TMEM132D: variants seen among roughly 807,000 people sequenced by gnomAD.
The protein encoded by TMEM132D is transmembrane protein 132D.
In TMEM132D, 21 loss-of-function variants were observed where a neutral mutation model predicts 62.3. The observed-to-expected ratio is 0.34, with a 90% confidence interval of 0.24 to 0.49. The LOEUF is 0.49. Ranked by LOEUF, TMEM132D falls within the 20% of genes least tolerant of loss-of-function variation. The probability of loss-of-function intolerance (pLI) is 0.99; values close to 1 mark genes in which losing one functional copy is unlikely to be tolerated. For missense variants in TMEM132D, 1,346 were observed against 1,402.8 expected, an observed-to-expected ratio of 0.96 and a Z score of 0.65; for synonymous variants, 621 against 575.6, an observed-to-expected ratio of 1.08 and a Z score of -1.13.
intron 2 of TMEM132D, among the ~76,000 whole-genome samples, chr12:129,667,624 T>C (rs1880407382): frequency 6.6e-6 from 1 of 152,174 alleles, no homozygotes; most frequent in South Asian, 2.1e-4. Flanking sequence ...TTATAAATTA[T>C]GTCTCTTTCT....
At position 129,524,807 on chromosome 12, in the gene TMEM132D, A is replaced by G. The variant is rs942555744; in HGVS notation, c.1115+6252T>C. On this transcript the variant is annotated intron_variant, in intron 3 of 8. Coordinates refer to ENST00000422113, the MANE Select transcript of TMEM132D (RefSeq NM_133448.3). ...GAGGCGGAGGTTGCAGTGAGCGGAG[A>G]CTGCGCCACTGTACTCCAGCCTAGC... is the stretch of plus-strand genomic sequence containing the variant. 2.0e-5 allele frequency among the ~76,000 whole-genome samples: 3 copies of G among 151,746 alleles called. No homozygotes were observed. In the South Asian group the frequency reaches 6.3e-4, roughly 32 times the overall value.
chr12:129,490,596 A>ATTTTTTTTTTTTTTTTTTTTTTTTTTT lies in TMEM132D; in HGVS notation c.1115+40436_1115+40462dup, dbSNP rs35535325. Among the ~76,000 whole-genome samples, 3 of 71,112 alleles carry ATTTTTTTTTTTTTTTTTTTTTTTTTTT rather than the reference A, an allele frequency of 4.2e-5. 1 individual carries two copies. Among genetic ancestry groups the ATTTTTTTTTTTTTTTTTTTTTTTTTTT allele is most frequent in the African/African-American group, 2.4e-4 (3 of 12,332 alleles). 46.7% of individuals were successfully genotyped at this position (71,112 alleles called of 152,430 possible). ...GGCGCCCGCCCACCACGCCCGGCTA[A>ATTTTTTTTTTTTTTTTTTTTTTTTTTT]TTTTTTTTTTTTTTTTTTTTTTTTT... On this transcript the variant is annotated intron_variant, in intron 3 of 8. Coordinates refer to ENST00000422113, the MANE Select transcript of TMEM132D (RefSeq NM_133448.3).
At chr12:129,378,077 C>T (rs573132758) in intron 3 of TMEM132D, among the ~76,000 whole-genome samples, 3 of 152,202 alleles carry the variant, frequency 2.0e-5, no homozygotes, top group Non-Finnish European at 4.4e-5. Flanking sequence ...ATACCCCTTT[C>T]AAAGACATTT....
chr12:129,614,500 A>G (rs1878863552), intron 2 of TMEM132D, among the ~76,000 whole-genome samples: 1 of 152,246 alleles, frequency 6.6e-6, no homozygotes, highest in African/African-American at 2.4e-5. Context: ...TCACTCTGCT[A>G]TAATCCCTCT....
intron 2 of TMEM132D, among the ~76,000 whole-genome samples, chr12:129,579,356 G>A (rs1020445750): frequency 3.9e-5 from 6 of 152,116 alleles, no homozygotes; most frequent in South Asian, 2.1e-4. Context: ...TCAGATATAC[G>A]TATATATGGA....
intron 3 of TMEM132D, among the ~76,000 whole-genome samples, chr12:129,511,060 A>G (rs1362634561): frequency 6.6e-6 from 1 of 152,138 alleles, no homozygotes; most frequent in Non-Finnish European, 1.5e-5. Context: ...TAAATAGCGC[A>G]CCCATTTTAA....
At chr12:129,390,025 GT>G (rs1446833149) in intron 3 of TMEM132D, among the ~76,000 whole-genome samples, 6 of 152,188 alleles carry the variant, frequency 3.9e-5, no homozygotes, top group Non-Finnish European at 7.3e-5. Context: ...GCACACTGGC[GT>G]TTTGTTGTCA....
chr12:129,901,412 T>A (rs1355196635), intron 1 of TMEM132D, among the ~76,000 whole-genome samples: 1 of 152,194 alleles, frequency 6.6e-6, no homozygotes, highest in Non-Finnish European at 1.5e-5. Flanking sequence ...TGACATATTG[T>A]GACTAATCCT....
intron 3 of TMEM132D, among the ~76,000 whole-genome samples, chr12:129,347,792 C>T (rs148902808): frequency 1.6e-4 from 24 of 152,098 alleles, no homozygotes; most frequent in African/African-American, 5.5e-4. Flanking sequence ...AATGGGAGAA[C>T]ATTTTTGCAA....
intron 5 of TMEM132D, among the ~76,000 whole-genome samples, chr12:129,106,894 C>G (rs1285181614): frequency 6.6e-6 from 1 of 152,178 alleles, no homozygotes; most frequent in Non-Finnish European, 1.5e-5. Flanking sequence ...TGGGGAATGC[C>G]TGCCTTGGAC....
intron 4 of TMEM132D, among the ~76,000 whole-genome samples, chr12:129,279,043 C>T (rs977187529): frequency 3.3e-5 from 5 of 152,224 alleles, no homozygotes; most frequent in African/African-American, 1.2e-4. Flanking sequence ...TATAAGAGAA[C>T]TCAGAAATGC....
chr12:129,320,976 ACC>A lies in TMEM132D; in HGVS notation c.1299+16656_1299+16657del, dbSNP rs1566032518. On this transcript the variant is annotated intron_variant, in intron 4 of 8. Transcript: ENST00000422113. Reference sequence around the variant, plus strand: ...ATTATTTATACAAATCTATCTATCTACCTACCTACCTACCTACCTACCTGTCA... The same window carrying A: ...ATTATTTATACAAATCTATCTATCTATACCTACCTACCTACCTACCTGTCA... Among the ~76,000 whole-genome samples, 112 of 151,274 alleles carry A rather than the reference ACC, an allele frequency of 7.4e-4. 3 individuals carry two copies. The highest frequency in any genetic ancestry group is 1.7e-3 in the South Asian group (8 of 4,820).
intron 1 of TMEM132D, among the ~76,000 whole-genome samples, chr12:129,760,567 C>G (rs1245507855): frequency 6.6e-6 from 1 of 150,888 alleles, no homozygotes; most frequent in Non-Finnish European, 1.5e-5. Flanking sequence ...AGGATAGTCT[C>G]GATCTCCTGA....
At chr12:129,747,877 A>G (rs1869866344) in intron 1 of TMEM132D, among the ~76,000 whole-genome samples, 2 of 149,276 alleles carry the variant, frequency 1.3e-5, no homozygotes, top group African/African-American at 2.5e-5. Context: ...ACACACACAC[A>G]CATTCAGACA....
At chr12:129,699,260 T>C (rs796679742) in intron 2 of TMEM132D, among the ~76,000 whole-genome samples, 2 of 152,348 alleles carry the variant, frequency 1.3e-5, no homozygotes, top group African/African-American at 4.8e-5. Flanking sequence ...AATTCTACTG[T>C]ATATTCTTCA....
intron 4 of TMEM132D, among the ~76,000 whole-genome samples, chr12:129,302,301 G>T (rs544888263): frequency 6.6e-6 from 1 of 152,218 alleles, no homozygotes; most frequent in South Asian, 2.1e-4. Flanking sequence ...TTTTCGTAGA[G>T]ATGGGGTTTC....
intron 5 of TMEM132D, among the ~76,000 whole-genome samples, chr12:129,205,739 A>G (rs1224734672): frequency 6.6e-6 from 1 of 152,054 alleles, no homozygotes; most frequent in Non-Finnish European, 1.5e-5. Flanking sequence ...CGTGGAACAT[A>G]CTCCAAAATC....
intron 2 of TMEM132D, among the ~76,000 whole-genome samples, chr12:129,687,318 T>C (rs1880955720): frequency 6.6e-6 from 1 of 152,160 alleles, no homozygotes; most frequent in South Asian, 2.1e-4. Context: ...AACAAATTAA[T>C]GTCAATTTCC....
At chr12:129,544,216 T>C (rs1201430915) in intron 2 of TMEM132D, among the ~76,000 whole-genome samples, 1 of 152,232 alleles carries the variant, frequency 6.6e-6, no homozygotes, top group African/African-American at 2.4e-5. Flanking sequence ...TATCTTTGAA[T>C]TTTTGTTTTT....
Sources: gnomAD v4.1 joint callset for allele counts (sites outside exome capture counted in the v4.1 genomes callset) on GRCh38, gnomAD v4.1.1 for gene constraint, MANE v1.5 for transcripts, NCBI Gene and HGNC (gene_info 2026-07-23, HGNC 2026-07-21) for gene names.